USP38: variants seen among roughly 807,000 people sequenced by gnomAD.
USP38 encodes the protein ubiquitin specific peptidase 38.
A neutral mutation model predicts 94.3 loss-of-function variants in USP38; 49 were observed. That is an observed-to-expected ratio of 0.52 (90% CI 0.41 to 0.66). The LOEUF (loss-of-function observed/expected upper bound fraction) is 0.66. Ranked by LOEUF, USP38 falls within the 30% of genes least tolerant of loss-of-function variation. The probability of loss-of-function intolerance (pLI) is 0.00; values close to 1 mark genes in which losing one functional copy is unlikely to be tolerated. For synonymous variants in USP38, 468 were observed against 463.6 expected (o/e 1.01, Z -0.12); for missense variants, 1,128 against 1,229.4 (o/e 0.92, Z 1.23).
chr4:143,197,928 A>G lies in USP38; in HGVS notation c.1050+4A>G. 6.3e-7 allele frequency: 1 copy of G among 1,596,328 alleles called. No individual in the cohort carries two copies. The highest frequency in any genetic ancestry group is 8.5e-7 in the Non-Finnish European group (1 of 1,171,026). ...TTCTCCAGAGGCGTTCCATTTGGTA[A>G]GTTATGACATAAACGTTCTACTTTG... On this transcript the variant is annotated splice_donor_region_variant and intron_variant, in intron 4 of 9. Coordinates refer to ENST00000307017, the MANE Select transcript of USP38 (RefSeq NM_032557.6).
In USP38 at chr4:143,206,241, G is replaced by C. The variant is rs753248574; in HGVS notation, c.1403+15G>C. On this transcript the variant is annotated intron_variant, in intron 6 of 9. Transcript: ENST00000307017. ...ATGGCCACAGAGTAAGTTTAAACTT[G>C]AATCTTTTCATTTTAACTGTAGAAG... 1 of 1,540,776 alleles carries C rather than the reference G, an allele frequency of 6.5e-7. No homozygotes were observed. Among genetic ancestry groups the C allele is most frequent in the Non-Finnish European group, 8.7e-7 (1 of 1,144,174 alleles).
intron 4 of USP38, among the ~76,000 whole-genome samples, chr4:143,200,599 A>G (rs1313164409): frequency 6.6e-6 from 1 of 152,126 alleles, no homozygotes; most frequent in Non-Finnish European, 1.5e-5. Context: ...AACTATTTGT[A>G]GATTATATGT....
chr4:143,217,562 C>A (rs966979166), intron 9 of USP38, among the ~76,000 whole-genome samples: 1 of 152,088 alleles, frequency 6.6e-6, no homozygotes, highest in Non-Finnish European at 1.5e-5. Flanking sequence ...AATGAATTTA[C>A]CATTTTAGTA....
intron 4 of USP38, among the ~76,000 whole-genome samples, chr4:143,201,904 A>G (rs772052400): frequency 7.9e-5 from 12 of 152,168 alleles, no homozygotes; most frequent in Non-Finnish European, 1.6e-4. Context: ...TATAACTGTG[A>G]AAGACTAAGT....
At chr4:143,198,139 TA>T (rs1255744484) in intron 4 of USP38, among the ~76,000 whole-genome samples, 3 of 152,194 alleles carry the variant, frequency 2.0e-5, no homozygotes, top group Admixed American at 6.5e-5. Context: ...TTGCAACAAC[TA>T]CCAGCAGTTG....
chr4:143,199,791 G>A (rs1731658128), intron 4 of USP38, among the ~76,000 whole-genome samples: 2 of 152,020 alleles, frequency 1.3e-5, no homozygotes. Context: ...CTTTTGAAAA[G>A]CGTCTGTTCA....
intron 2 of USP38, among the ~76,000 whole-genome samples, chr4:143,194,910 C>A (rs1241746786): frequency 7.6e-6 from 1 of 130,934 alleles, no homozygotes; most frequent in Non-Finnish European, 1.7e-5. Context: ...TTTTTTTTTT[C>A]ACTAAATTGG....
chr4:143,190,459 A>G (rs1731363442), intron 2 of USP38, among the ~76,000 whole-genome samples: 1 of 152,038 alleles, frequency 6.6e-6, no homozygotes, highest in South Asian at 2.1e-4. Context: ...ATAGTCACCA[A>G]TGAAGAAACA....
At chr4:143,211,923 A>C (rs1354110096) in intron 7 of USP38, among the ~76,000 whole-genome samples, 3 of 152,220 alleles carry the variant, frequency 2.0e-5, no homozygotes, top group Non-Finnish European at 4.4e-5. Flanking sequence ...TACTAACAAA[A>C]TATACATTAA....
intron 7 of USP38, among the ~76,000 whole-genome samples, chr4:143,211,173 C>T (rs1367552187): frequency 6.6e-6 from 1 of 152,026 alleles, no homozygotes; most frequent in African/African-American, 2.4e-5. Flanking sequence ...CCTCCTCCTC[C>T]CAAGAAAAGT....
intron 9 of USP38, among the ~76,000 whole-genome samples, chr4:143,218,732 T>G (rs1344757177): frequency 6.6e-6 from 1 of 152,124 alleles, no homozygotes; most frequent in Admixed American, 6.6e-5. Flanking sequence ...TAGCAGAAGT[T>G]CAAGGAGAAC....
chr4:143,195,637 T>A, intron 2 of USP38, 79 bp from the exon 3 acceptor site: 1 of 1,394,178 alleles, frequency 7.2e-7, no homozygotes, highest in Middle Eastern at 1.9e-4. Flanking sequence ...AGTGAGTGAT[T>A]ATCTACTGTA....
intron 2 of USP38, among the ~76,000 whole-genome samples, chr4:143,193,056 C>T (rs1396934193): frequency 6.6e-6 from 1 of 152,152 alleles, no homozygotes; most frequent in African/African-American, 2.4e-5. Flanking sequence ...TCTGGTTCTG[C>T]TCTGACAGTG....
chr4:143,200,921 G>A (rs574556269), intron 4 of USP38, among the ~76,000 whole-genome samples: 1 of 152,280 alleles, frequency 6.6e-6, no homozygotes, highest in South Asian at 2.1e-4. Flanking sequence ...TGGATAGGAA[G>A]AATCAATATC....
chr4:143,201,989 C>A (rs115002198), intron 4 of USP38, among the ~76,000 whole-genome samples: 3,411 of 152,186 alleles, frequency 0.022, 58 homozygotes, highest in Non-Finnish European at 0.033. Flanking sequence ...ATTACAAAGA[C>A]CTAATCTAAT....
At chr4:143,210,520 G>A (rs1160845764) in intron 7 of USP38, among the ~76,000 whole-genome samples, 1 of 151,868 alleles carries the variant, frequency 6.6e-6, no homozygotes, top group African/African-American at 2.4e-5. Context: ...CCAGGAGGTG[G>A]AGCTTGCGGT....
intron 9 of USP38, among the ~76,000 whole-genome samples, chr4:143,216,389 G>C (rs1009305016): frequency 2.6e-5 from 4 of 151,866 alleles, no homozygotes; most frequent in African/African-American, 9.7e-5. Context: ...TTTATATTAA[G>C]GTATTTACCT....
rs768427421 is a variant in USP38, at chr4:143,220,455, G to A, written c.3128G>A (p.Ter1043=). The change falls in exon 10 of 10, where the codon TGA becomes TAA. Residue 1043 remains the stop codon, a stop_retained_variant. Coordinates refer to ENST00000307017, the MANE Select transcript of USP38 (RefSeq NM_032557.6). ...GFNTVGRLVF[*] is the part of the protein sequence containing the mutation. ...AATACAGTTGGCAGACTCGTATTTT[G>A]ATCCTGAGAGAGTCCAAAATGCACT... 4.4e-6 allele frequency: 7 copies of A among 1,608,274 alleles called. No homozygotes were observed. In the Admixed American group the frequency reaches 8.5e-5, roughly 20 times the overall value.
rs35416730 is a variant in USP38 at position 143,192,550 on chromosome 4, C to CTTTTTTT, written c.819-3151_819-3145dup. ...AGTGTCTCTATCAGATCCCATATTA[C>CTTTTTTT]TTTTTTTTTTTTTTTTTTTTTCATT... On this transcript the variant is annotated intron_variant, in intron 2 of 9. Coordinates refer to ENST00000307017, the MANE Select transcript of USP38 (RefSeq NM_032557.6). 1.9e-4 allele frequency among the ~76,000 whole-genome samples: 20 copies of CTTTTTTT among 103,386 alleles called. 1 individual carries two copies. Among genetic ancestry groups the CTTTTTTT allele is most frequent in the East Asian group, 3.1e-4 (1 of 3,210 alleles). The allele number at this position is 103,386 out of a possible 152,430, so 67.8% of individuals were successfully genotyped here. A position where few individuals can be genotyped will look rare whatever the true frequency, so the allele number is the denominator to read the frequency against.
Sources: gnomAD v4.1 joint callset for allele counts (sites outside exome capture counted in the v4.1 genomes callset) on GRCh38, gnomAD v4.1.1 for gene constraint, MANE v1.5 for transcripts, NCBI Gene and HGNC (gene_info 2026-07-23, HGNC 2026-07-21) for gene names.